The following VTI1A variants were observed in gnomAD, a reference collection of about 807,000 sequenced individuals.
VTI1A encodes vesicle transport through interaction with t-SNAREs 1A, also known as vesicle transport through interaction with t-SNAREs homolog 1A.
A neutral mutation model predicts 34.9 loss-of-function variants in VTI1A; 22 were observed. That is an observed-to-expected ratio of 0.63 (90% confidence interval 0.45 to 0.90). VTI1A has a LOEUF of 0.90. Ranked by LOEUF, VTI1A falls within the 40% of genes least tolerant of loss-of-function variation. The pLI, the probability that VTI1A is intolerant of heterozygous loss-of-function variation, is 0.00. For missense variants in VTI1A, 268 were observed against 275.6 expected (o/e 0.97, Z 0.20); for synonymous variants, 87 against 97.3 (o/e 0.89, Z 0.62).
intron 5 of VTI1A, among the ~76,000 whole-genome samples, chr10:112,573,613 C>T (rs947715192): frequency 1.3e-5 from 2 of 152,124 alleles, no homozygotes; most frequent in Non-Finnish European, 2.9e-5. Context: ...ATTTTATTGC[C>T]AATTCCACCA....
In VTI1A at chr10:112,640,139, A is replaced by G. The variant is rs544878551; in HGVS notation, c.428-28079A>G. Among the ~76,000 whole-genome samples the G allele has an allele frequency of 7.5e-4, 114 of 152,292 alleles. 1 individual carries two copies. The highest frequency in any genetic ancestry group is 2.7e-3 in the African/African-American group (113 of 41,562). On this transcript the variant is annotated intron_variant, in intron 5 of 7. Coordinates refer to ENST00000393077, the MANE Select transcript of VTI1A (RefSeq NM_145206.4). ...TGAGAATATCTCTTAAATCATTTTTATTTTTAAATGCCCATTTAAAAATTC... is the reference window on the plus strand; with the variant it reads ...TGAGAATATCTCTTAAATCATTTTTGTTTTTAAATGCCCATTTAAAAATTC...
chr10:112,484,971 A>G (rs901577835), intron 3 of VTI1A: 2 of 151,838 alleles, frequency 1.3e-5, no homozygotes, highest in Non-Finnish European at 2.9e-5. Context: ...TTACCTAGGA[A>G]TTAAGATGCT....
rs114371838 is a variant in VTI1A, at chr10:112,455,107, C to T, written c.95-5417C>T. On this transcript the variant is annotated intron_variant, in intron 1 of 7. Coordinates refer to ENST00000393077, the MANE Select transcript of VTI1A (RefSeq NM_145206.4). Reference sequence around the variant, plus strand: ...TGTAAATGTTGCCAGGTTACCAAAACTTCGTGTTGGTAGGTATTTCCAAGG... The same window carrying T: ...TGTAAATGTTGCCAGGTTACCAAAATTTCGTGTTGGTAGGTATTTCCAAGG... 2.6e-3 allele frequency among the ~76,000 whole-genome samples: 382 copies of T among 149,206 alleles called. 2 individuals are homozygous for T. Among genetic ancestry groups the T allele is most frequent in the African/African-American group, 8.9e-3 (361 of 40,478 alleles).
intron 5 of VTI1A, among the ~76,000 whole-genome samples, chr10:112,635,160 A>G (rs1846303194): frequency 6.6e-6 from 1 of 152,222 alleles, no homozygotes; most frequent in East Asian, 1.9e-4. Flanking sequence ...TGGGGGGAAT[A>G]AAAGATAACA....
chr10:112,838,522 G>T, the VTI1A span, among the ~76,000 whole-genome samples: 2 of 152,146 alleles, frequency 1.3e-5, no homozygotes, highest in Admixed American at 6.5e-5. Context: ...TATTTCATGT[G>T]TCCAGTATTT....
chr10:112,627,948 T>A lies in VTI1A; in HGVS notation c.428-40270T>A, dbSNP rs78475891. Reference sequence around the variant, plus strand: ...GGTCAGGGCAAGACTCTGAGGGATATTTAGGCAGAGAACAGAGTCACATGA... The same window carrying A: ...GGTCAGGGCAAGACTCTGAGGGATAATTAGGCAGAGAACAGAGTCACATGA... On this transcript the variant is annotated intron_variant, in intron 5 of 7. Coordinates refer to ENST00000393077, the MANE Select transcript of VTI1A (RefSeq NM_145206.4). Among the ~76,000 whole-genome samples, 188 of 152,298 alleles carry A rather than the reference T, an allele frequency of 1.2e-3. 1 individual carries two copies. The highest frequency in any genetic ancestry group is 4.5e-3 in the African/African-American group (188 of 41,574).
chr10:112,838,030 G>A, the VTI1A span, among the ~76,000 whole-genome samples: 1 of 152,204 alleles, frequency 6.6e-6, no homozygotes, highest in Non-Finnish European at 1.5e-5. Context: ...CTAAGGCCAG[G>A]ATGCTGAAGT....
chr10:112,653,000 T>A (rs1390407217), intron 5 of VTI1A, among the ~76,000 whole-genome samples: 1 of 152,190 alleles, frequency 6.6e-6, no homozygotes, highest in Non-Finnish European at 1.5e-5. Flanking sequence ...GAAAGTACAC[T>A]CCACAGGTTG....
intron 2 of VTI1A, among the ~76,000 whole-genome samples, chr10:112,461,881 C>A (rs2419633): frequency 0.89 from 135,984 of 152,212 alleles, 61,921 homozygotes; most frequent in African/African-American, 0.97. Flanking sequence ...CACTTGGCTA[C>A]TTTGTTTGTT....
intron 5 of VTI1A, among the ~76,000 whole-genome samples, chr10:112,553,010 G>A (rs1348683398): frequency 6.6e-6 from 1 of 152,138 alleles, no homozygotes; most frequent in East Asian, 1.9e-4. Flanking sequence ...GTCTTGATCT[G>A]AAAAATGCTA....
intron 5 of VTI1A, among the ~76,000 whole-genome samples, chr10:112,597,319 G>A (rs550915275): frequency 1.3e-5 from 2 of 152,262 alleles, no homozygotes; most frequent in East Asian, 3.9e-4. Flanking sequence ...CTGGGTTCAA[G>A]CGATTCTCTT....
intron 3 of VTI1A, among the ~76,000 whole-genome samples, chr10:112,485,579 G>A (rs1394345568): frequency 1.3e-5 from 2 of 152,198 alleles, no homozygotes; most frequent in East Asian, 1.9e-4. Context: ...GAAAGCTGAC[G>A]TTTTGGAAGG....
intron 3 of VTI1A, 26 bp from the exon 4 acceptor site, chr10:112,527,061 C>T: frequency 6.2e-7 from 1 of 1,609,310 alleles, no homozygotes; most frequent in Non-Finnish European, 8.5e-7. Flanking sequence ...TCCTCTCACT[C>T]TCTCCCTTTT....
At chr10:112,734,533 A>G (rs1054955861) in intron 7 of VTI1A, among the ~76,000 whole-genome samples, 2 of 152,138 alleles carry the variant, frequency 1.3e-5, no homozygotes, top group African/African-American at 4.8e-5. Flanking sequence ...CAGTCTTTAA[A>G]AGGGCTCTTT....
In VTI1A at chr10:112,597,693, CTTTTTTTTTTT is replaced by C. The variant is rs1180451909; in HGVS notation, c.427+59375_427+59385del. Among the ~76,000 whole-genome samples, 897 of 90,648 alleles carry C rather than the reference CTTTTTTTTTTT, an allele frequency of 9.9e-3. 20 individuals carry two copies. Among genetic ancestry groups the C allele is most frequent in the African/African-American group, 0.037 (855 of 23,222 alleles). 59.5% of individuals were successfully genotyped at this position (90,648 alleles called of 152,430 possible). On this transcript the variant is annotated intron_variant, in intron 5 of 7. Transcript: ENST00000393077. ...TGGGCAACATAGTGAGACCTTGTCT[CTTTTTTTTTTT>C]TTTTTTTTTTTGAGACGGAGTCTCG...
At chr10:112,639,348 T>A (rs1199186107) in intron 5 of VTI1A, among the ~76,000 whole-genome samples, 3 of 152,200 alleles carry the variant, frequency 2.0e-5, no homozygotes, top group African/African-American at 7.2e-5. Flanking sequence ...GACTTTCTGA[T>A]GCTTATTCTT....
intron 5 of VTI1A, among the ~76,000 whole-genome samples, chr10:112,636,600 G>A (rs575570943): frequency 5.3e-5 from 8 of 151,996 alleles, no homozygotes; most frequent in South Asian, 4.2e-4. Context: ...GTGGTGGTGC[G>A]CACCTGTAGT....
In VTI1A at chr10:112,818,399, G is replaced by A. The variant is rs910538754; in HGVS notation, c.*3016G>A. 3 of 231,808 alleles carry A rather than the reference G, an allele frequency of 1.3e-5. No individual in the cohort carries two copies. Among genetic ancestry groups the A allele is most frequent in the Non-Finnish European group, 2.6e-5 (3 of 117,326 alleles). 14.4% of individuals were successfully genotyped at this position (231,808 alleles called of 1,614,324 possible). A position where few individuals can be genotyped will look rare whatever the true frequency, so the allele number is the denominator to read the frequency against. On this transcript the variant is annotated 3_prime_UTR_variant, in exon 8 of 8. Coordinates refer to ENST00000393077, the MANE Select transcript of VTI1A (RefSeq NM_145206.4). ...ATTATCAACCCATAGAAGAAGGGAG[G>A]GGAAAAAAAAGAAAGAAAGGAAAAG...
chr10:112,522,541 C>T (rs767442845), intron 3 of VTI1A, among the ~76,000 whole-genome samples: 33 of 152,114 alleles, frequency 2.2e-4, no homozygotes, highest in Middle Eastern at 3.4e-3. Context: ...AGGCCAAAAT[C>T]GAATGGGAAT....
Sources: gnomAD v4.1 joint callset for allele counts (sites outside exome capture counted in the v4.1 genomes callset) on GRCh38, gnomAD v4.1.1 for gene constraint, MANE v1.5 for transcripts, NCBI Gene and HGNC (gene_info 2026-07-23, HGNC 2026-07-21) for gene names.